The following PURG variants were observed in gnomAD, a reference collection of about 807,000 sequenced individuals.
PURG encodes purine-rich element-binding protein gamma.
Under a neutral mutation model 24.3 loss-of-function variants are expected in PURG, and 3 were observed. The ratio of observed to expected loss-of-function variants is 0.12; its 90% confidence interval spans 0.06 to 0.32. The LOEUF is 0.32. Ranked by LOEUF, PURG falls within the 10% of genes least tolerant of loss-of-function variation. The probability of loss-of-function intolerance (pLI) is 1.00; values close to 1 mark genes in which losing one functional copy is unlikely to be tolerated. For synonymous variants in PURG, 180 were observed against 173.1 expected (o/e 1.04, Z -0.31); for missense variants, 371 against 439.1 (o/e 0.84, Z 1.39).
At chr8:31,000,845 A>G (rs1341626794) in intron 1 of PURG, among the ~76,000 whole-genome samples, 4 of 152,168 alleles carry the variant, frequency 2.6e-5, no homozygotes, top group Non-Finnish European at 5.9e-5. Flanking sequence ...GAGAATTAAC[A>G]AACTTTAAAA....
At chr8:31,013,463 C>T (rs893621061) in intron 1 of PURG, among the ~76,000 whole-genome samples, 5 of 152,262 alleles carry the variant, frequency 3.3e-5, no homozygotes, top group Middle Eastern at 3.4e-3. Flanking sequence ...CCTGGCCGGG[C>T]GCGGCGGCTC....
exon 2 of PURG, chr8:30,996,427 T>A (rs1810428811): frequency 2.0e-6 from 1 of 490,904 alleles, no homozygotes; most frequent in Non-Finnish European, 3.6e-6. Context: ...GTGGTGGAAA[T>A]TATTCAACAT....
Position 31,022,952 on chromosome 8 carries a change from G to A in PURG, c.864+8967C>T, listed in dbSNP as rs180943015. ...ATGGCTCTGTTGTTTTATTTTGCTC[G>A]GCAGTTTTGGCACGTAGGTGACTTC... On this transcript the variant is annotated intron_variant, in intron 1 of 1. Transcript: ENST00000339382. 4.2e-4 allele frequency among the ~76,000 whole-genome samples: 64 copies of A among 152,144 alleles called. No individual in the cohort carries two copies. In the Middle Eastern group the frequency reaches 0.01, roughly 24 times the overall value.
At chr8:31,030,493 G>C (rs1811172519), downstream of PURG, among the ~76,000 whole-genome samples, 1 of 151,948 alleles carries the variant, frequency 6.6e-6, no homozygotes, top group Non-Finnish European at 1.5e-5. Flanking sequence ...GCACTTCCTG[G>C]AAAGTAATTT....
intron 1 of PURG, among the ~76,000 whole-genome samples, chr8:30,997,579 G>T (rs983631888): frequency 1.3e-5 from 2 of 151,240 alleles, no homozygotes; most frequent in Non-Finnish European, 3.0e-5. Flanking sequence ...AATTAGAGAT[G>T]GAAAAATGGC....
intron 1 of PURG, among the ~76,000 whole-genome samples, chr8:31,011,633 G>A (rs543459418): frequency 2.0e-5 from 3 of 151,812 alleles, no homozygotes; most frequent in African/African-American, 4.8e-5. Context: ...CTAGCACATG[G>A]CAGATAATCA....
At chr8:31,023,963 A>G (rs1326111157) in intron 1 of PURG, among the ~76,000 whole-genome samples, 5 of 152,236 alleles carry the variant, frequency 3.3e-5, no homozygotes, top group Non-Finnish European at 7.3e-5. Context: ...AATATAAAAA[A>G]TGATTACAGA....
Position 31,033,102 on chromosome 8 carries a change from G to A in PURG, c.-31C>T, listed in dbSNP as rs1811286735. 3 of 222,478 alleles carry A rather than the reference G, an allele frequency of 1.3e-5. No homozygotes were observed. The highest frequency in any genetic ancestry group is 2.6e-5 in the Non-Finnish European group (3 of 114,584). The allele number at this position is 222,478 out of a possible 1,614,324, so 13.8% of individuals were successfully genotyped here. ...CATCATCTCTGCCATCACCGCCGCC[G>A]CCGATGCCCTTCACGACCACCGCCG... On this transcript the variant is annotated 5_prime_UTR_variant, in exon 1 of 2. Transcript: ENST00000523392.
rs1007644641 is a variant in PURG at position 31,032,636 on chromosome 8, A to G, written c.147T>C (p.Asn49=). The change falls in exon 2 of 2, where the codon AAT becomes AAC. Residue 49 remains asparagine, a synonymous_variant. Coordinates refer to ENST00000523392, the MANE Select transcript of PURG (RefSeq NM_001323311.2). The surrounding 1 kb of genome is among the most constrained non-coding windows in gnomAD (Gnocchi z 5.9). ...GGATTTCGGCTGCGCCCCCGGCCTG[A>G]TTAGGGGTGGCTGAGGCCGCGTAGT... is the stretch of plus-strand genomic sequence containing the variant. ...YPHYAASATP[N]QAGGAAEIQE... 4 of 1,592,072 alleles carry G rather than the reference A, an allele frequency of 2.5e-6. No homozygotes were observed. Among genetic ancestry groups the G allele is most frequent in the Non-Finnish European group, 3.4e-6 (4 of 1,167,742 alleles).
At chr8:31,019,678 G>C (rs1196283732) in intron 1 of PURG, among the ~76,000 whole-genome samples, 1 of 150,008 alleles carries the variant, frequency 6.7e-6, no homozygotes, top group Non-Finnish European at 1.5e-5. Flanking sequence ...GTCTCACTCT[G>C]TCATCCCCAT....
At chr8:31,007,317 GT>G (rs1244329126) in intron 1 of PURG, among the ~76,000 whole-genome samples, 1 of 152,178 alleles carries the variant, frequency 6.6e-6, no homozygotes, top group Non-Finnish European at 1.5e-5. Context: ...TTTTATGACA[GT>G]CACTGGGGCC....
At chr8:31,014,106 C>T (rs536506021) in intron 1 of PURG, among the ~76,000 whole-genome samples, 1 of 151,950 alleles carries the variant, frequency 6.6e-6, no homozygotes, top group African/African-American at 2.4e-5. Flanking sequence ...TTAAAAAAAT[C>T]TGAATTATTC....
intron 1 of PURG, among the ~76,000 whole-genome samples, chr8:31,010,002 C>T (rs2543618): frequency 0.04 from 6,046 of 151,922 alleles, 343 homozygotes; most frequent in African/African-American, 0.13. Context: ...GAGTCTGAGG[C>T]GGGAGGATCA....
At chr8:31,007,346 T>C (rs553106102) in intron 1 of PURG, among the ~76,000 whole-genome samples, 1 of 152,294 alleles carries the variant, frequency 6.6e-6, no homozygotes, top group African/African-American at 2.4e-5. Context: ...TAATGGTTCT[T>C]TACTATCCTG....
In PURG at chr8:31,032,099, T is replaced by G; in HGVS notation, c.684A>C (p.Gly228=). ...CCAAGGCATCACGAAACTCAATCATTCCTTGTGCTGGGAGGACAATAGTCT... is the reference window on the plus strand; with the variant it reads ...CCAAGGCATCACGAAACTCAATCATGCCTTGTGCTGGGAGGACAATAGTCT... The part of the protein sequence containing the change: ...QEQTIVLPAQ[G]MIEFRDALVQ... Residue 228 remains glycine (G), a synonymous_variant, in exon 2 of 2, where the codon GGA becomes GGC. Transcript: ENST00000523392. The surrounding 1 kb of genome is among the most constrained non-coding windows in gnomAD (Gnocchi z 5.9). 1 of 1,614,164 alleles carries G rather than the reference T, an allele frequency of 6.2e-7. No individual in the cohort carries two copies. Among genetic ancestry groups the G allele is most frequent in the Non-Finnish European group, 8.5e-7 (1 of 1,180,022 alleles).
exon 2 of PURG, chr8:30,996,662 G>A (rs1810434975): frequency 1.2e-6 from 2 of 1,612,106 alleles, no homozygotes; most frequent in African/African-American, 2.7e-5. Flanking sequence ...AGTGAAAAAG[G>A]TTGATATTCT....
intron 1 of PURG, among the ~76,000 whole-genome samples, chr8:31,004,687 C>T (rs751072490): frequency 6.6e-6 from 1 of 151,986 alleles, no homozygotes; most frequent in Non-Finnish European, 1.5e-5. Context: ...AAAAACAAAA[C>T]AAAAGAATAT....
Position 31,032,706 on chromosome 8 carries a change from C to G in PURG, c.77G>C (p.Ser26Thr), listed in dbSNP as rs1447847227. The G allele has an allele frequency of 3.3e-6, 5 of 1,506,860 alleles. No homozygotes were observed. Among genetic ancestry groups the G allele is most frequent in the South Asian group, 1.4e-5 (1 of 74,020 alleles). 93.3% of individuals were successfully genotyped at this position (1,506,860 alleles called of 1,614,324 possible). A position where few individuals can be genotyped will look rare whatever the true frequency, so the allele number is the denominator to read the frequency against. The change falls in exon 2 of 2, where the codon AGC becomes ACC. Residue 26 changes from serine to threonine, a missense_variant. This residue lies in a region of PURG where 213 missense variants were observed against 230.6 expected (regional missense o/e 0.92). Coordinates refer to ENST00000523392, the MANE Select transcript of PURG (RefSeq NM_001323311.2). This position sits in a 1 kb window ranked among gnomAD's most constrained non-coding sequence, Gnocchi z 5.9. ...GGKNVGGSGL[S>T]KSRLYPQAQH... is the part of the protein sequence containing the mutation. ...GGCCTGGGGATAGAGTCTACTCTTG[C>G]TTAGGCCAGAGCCCCCTACATTCTT...
Position 31,031,627 on chromosome 8 carries a change from T to A in PURG, c.*112A>T. 1 of 880,944 alleles carries A rather than the reference T, an allele frequency of 1.1e-6. No homozygotes were observed. The highest frequency in any genetic ancestry group is 1.7e-6 in the Non-Finnish European group (1 of 588,188). 54.6% of individuals were successfully genotyped at this position (880,944 alleles called of 1,614,324 possible). A position where few individuals can be genotyped will look rare whatever the true frequency, so the allele number is the denominator to read the frequency against. ...CCTGAAGTATCAACTACTAGAGGTA[T>A]TACTAATAACAACGGGCCAAAAAAG... On this transcript the variant is annotated 3_prime_UTR_variant, in exon 2 of 2. Coordinates refer to ENST00000523392, the MANE Select transcript of PURG (RefSeq NM_001323311.2).
Sources: gnomAD v4.1 joint callset for allele counts (sites outside exome capture counted in the v4.1 genomes callset) on GRCh38, gnomAD v4.1.1 for gene constraint, gnomAD v4.1.1 regional missense constraint, Gnocchi (gnomAD v3.1) non-coding constraint, MANE v1.5 for transcripts, NCBI Gene and HGNC (gene_info 2026-07-23, HGNC 2026-07-21) for gene names.